Variants in CDH12 observed in about 807,000 individuals in gnomAD.
CDH12 encodes cadherin 12.
Under a neutral mutation model 74.1 loss-of-function variants are expected in CDH12, and 41 were observed. The observed-to-expected ratio is 0.55, with a 90% CI of 0.43 to 0.72. CDH12 has a LOEUF of 0.72. Among genes scored for constraint, CDH12 ranks in the 30% least tolerant of loss-of-function variants. The pLI, the probability that CDH12 is intolerant of heterozygous loss-of-function variation, is 0.00. For missense variants in CDH12, 945 were observed against 977.2 expected (o/e 0.97, Z 0.44); for synonymous variants, 399 against 355.0 (o/e 1.12, Z -1.39).
At chr5:22,672,813 ATTCTC>A in intron 1 of CDH12, among the ~76,000 whole-genome samples, 1 of 152,244 alleles carries the variant, frequency 6.6e-6, no homozygotes, top group East Asian at 1.9e-4. Flanking sequence ...ATATTCCTCT[ATTCTC>A]TTATTGAAAT....
chr5:22,747,607 CA>C (rs34948688), intron 1 of CDH12, among the ~76,000 whole-genome samples: 34 of 110,876 alleles, frequency 3.1e-4, no homozygotes, highest in African/African-American at 8.1e-4. Context: ...GAGACGCTGC[CA>C]AAAAAAAAAA....
At chr5:22,114,391 C>A (rs1744975881) in intron 4 of CDH12, among the ~76,000 whole-genome samples, 1 of 149,896 alleles carries the variant, frequency 6.7e-6, no homozygotes, top group African/African-American at 2.5e-5. Context: ...CATATTCTAT[C>A]TTGCCCTTGA....
intron 4 of CDH12, among the ~76,000 whole-genome samples, chr5:22,079,945 T>C (rs759449408): frequency 3.3e-5 from 5 of 150,992 alleles, no homozygotes; most frequent in African/African-American, 7.3e-5. Flanking sequence ...AAACCTACGT[T>C]AGCAAAACCT....
intron 4 of CDH12, among the ~76,000 whole-genome samples, chr5:22,191,536 T>C (rs556092554): frequency 1.1e-4 from 17 of 150,282 alleles, no homozygotes; most frequent in Admixed American, 1.0e-3. Context: ...TTATAAGTTG[T>C]CTATATACAC....
At chr5:22,654,832 T>C (rs779224194) in intron 1 of CDH12, among the ~76,000 whole-genome samples, 14 of 151,660 alleles carry the variant, frequency 9.2e-5, no homozygotes, top group Non-Finnish European at 1.6e-4. Flanking sequence ...TGTTTCTCCA[T>C]GTTGGTCAGG....
intron 1 of CDH12, among the ~76,000 whole-genome samples, chr5:22,791,961 A>G (rs1192567179): frequency 2.6e-5 from 4 of 152,176 alleles, no homozygotes; most frequent in Non-Finnish European, 5.9e-5. Context: ...TTCTAAAATT[A>G]ACATACGTCT....
chr5:22,076,180 A>C (rs1307643212), intron 5 of CDH12, among the ~76,000 whole-genome samples: 1 of 152,144 alleles, frequency 6.6e-6, no homozygotes, highest in Non-Finnish European at 1.5e-5. Flanking sequence ...TGCTGGTTAA[A>C]TGTAATAATA....
chr5:22,721,836 T>C (rs1422783718), intron 1 of CDH12, among the ~76,000 whole-genome samples: 1 of 152,164 alleles, frequency 6.6e-6, no homozygotes, highest in African/African-American at 2.4e-5. Context: ...GCTCTTCCTC[T>C]TTAGCTTACT....
At chr5:22,079,343 T>C (rs1742557006) in intron 4 of CDH12, among the ~76,000 whole-genome samples, 1 of 152,142 alleles carries the variant, frequency 6.6e-6, no homozygotes, top group South Asian at 2.1e-4. Flanking sequence ...AAGAAAAAAG[T>C]ATCTCCAGAC....
At chr5:22,350,470 A>T (rs527418816) in intron 3 of CDH12, among the ~76,000 whole-genome samples, 5 of 152,204 alleles carry the variant, frequency 3.3e-5, no homozygotes, top group African/African-American at 1.2e-4. Flanking sequence ...AGTAAGTGTT[A>T]CTCTTTTTTA....
At chr5:22,025,660 T>A (rs1405856489) in intron 5 of CDH12, among the ~76,000 whole-genome samples, 1 of 152,180 alleles carries the variant, frequency 6.6e-6, no homozygotes, top group Admixed American at 6.6e-5. Flanking sequence ...TCCTCTAGCA[T>A]GAAATGCTGC....
chr5:22,291,806 C>T (rs1737400079), intron 3 of CDH12, among the ~76,000 whole-genome samples: 1 of 152,012 alleles, frequency 6.6e-6, no homozygotes, highest in Non-Finnish European at 1.5e-5. Flanking sequence ...TAATGCAATT[C>T]CTATTAAAAT....
At chr5:21,806,411 G>T (rs998988392) in intron 9 of CDH12, among the ~76,000 whole-genome samples, 3 of 151,976 alleles carry the variant, frequency 2.0e-5, no homozygotes, top group African/African-American at 7.2e-5. Context: ...TCTGAGGGAG[G>T]TTTCATTTAC....
Position 22,315,694 on chromosome 5 carries a change from A to T in CDH12, c.-333+89563T>A, listed in dbSNP as rs1325744454. 2.0e-5 allele frequency among the ~76,000 whole-genome samples: 3 copies of T among 152,280 alleles called. No individual in the cohort carries two copies. In the East Asian group the frequency reaches 5.8e-4, roughly 29 times the overall value. ...AAAAAAATGTATTTTTTAGAGTTTT[A>T]GGGAAAGTTTGGGACAATAATTTTT... On this transcript the variant is annotated intron_variant, in intron 3 of 14. Transcript: ENST00000382254.
intron 1 of CDH12, among the ~76,000 whole-genome samples, chr5:22,800,692 A>G (rs1288794479): frequency 1.3e-5 from 2 of 152,078 alleles, no homozygotes; most frequent in Non-Finnish European, 2.9e-5. Flanking sequence ...TCTGTATACC[A>G]CCTTTTCATA....
intron 3 of CDH12, among the ~76,000 whole-genome samples, chr5:22,271,941 T>G (rs1311786278): frequency 1.3e-5 from 2 of 152,150 alleles, no homozygotes. Flanking sequence ...AACCCTAGAA[T>G]TTTTGGAATG....
intron 1 of CDH12, among the ~76,000 whole-genome samples, chr5:22,785,308 G>A (rs190800626): frequency 1.9e-4 from 29 of 152,150 alleles, no homozygotes; most frequent in Non-Finnish European, 4.4e-5. Flanking sequence ...TATTTATTAA[G>A]CAGAAGACCA....
intron 1 of CDH12, among the ~76,000 whole-genome samples, chr5:22,533,114 C>A (rs1040067523): frequency 6.6e-6 from 1 of 151,948 alleles, no homozygotes; most frequent in Admixed American, 6.6e-5. Context: ...CTTTTTCCTT[C>A]ATCCATTGGC....
chr5:22,408,608 T>C (rs1279142769), intron 2 of CDH12, among the ~76,000 whole-genome samples: 1 of 150,116 alleles, frequency 6.7e-6, no homozygotes, highest in Admixed American at 6.7e-5. Flanking sequence ...ACATTATATG[T>C]AATTGTAAAT....
Sources: gnomAD v4.1 joint callset for allele counts (sites outside exome capture counted in the v4.1 genomes callset) on GRCh38, gnomAD v4.1.1 for gene constraint, MANE v1.5 for transcripts, NCBI Gene and HGNC (gene_info 2026-07-23, HGNC 2026-07-21) for gene names.